The following GTPBP3 variants were observed in gnomAD, a reference collection of about 807,000 sequenced individuals.
The protein encoded by GTPBP3 is 5-taurinomethyluridine-[tRNA] synthase subunit GTPB3, mitochondrial.
Under a neutral mutation model 42.0 loss-of-function variants are expected in GTPBP3, and 35 were observed. The ratio of observed to expected loss-of-function variants is 0.83; its 90% CI spans 0.64 to 1.10. The LOEUF (loss-of-function observed/expected upper bound fraction) is 1.10, where lower values mean the gene tolerates loss of function less well. Ranked by LOEUF, GTPBP3 falls within the 50% of genes least tolerant of loss-of-function variation. The probability of loss-of-function intolerance (pLI) is 0.00; values close to 1 mark genes in which losing one functional copy is unlikely to be tolerated. For missense variants in GTPBP3, 691 were observed against 685.2 expected (o/e 1.01, Z -0.09); for synonymous variants, 332 against 314.9 (o/e 1.05, Z -0.58).
intron 1 of GTPBP3, 75 bp downstream of exon 1, chr19:17,337,739 G>T (rs2074380384): frequency 1.4e-6 from 2 of 1,391,608 alleles, no homozygotes; most frequent in Non-Finnish European, 1.9e-6. Context: ...GGGTTTTAGG[G>T]GCCCAATTCC....
chr19:17,341,024 A>G lies in GTPBP3; in HGVS notation c.975-20A>G. 6.2e-7 allele frequency: 1 copy of G among 1,606,756 alleles called. No homozygotes were observed. The highest frequency in any genetic ancestry group is 2.2e-5 in the East Asian group (1 of 44,754). On this transcript the variant is annotated intron_variant, in intron 7 of 8. Transcript: ENST00000324894. ...ATTGCTCAACCTGGGATCCCCGCTC[A>G]GTTGACCTTGCTCCCGCAGGCTAGA...
rs759990229 is a variant in GTPBP3, at chr19:17,339,243, A to G, written c.785A>G (p.Lys262Arg). The G allele has an allele frequency of 4.4e-6, 7 of 1,609,140 alleles. No homozygotes were observed. The highest frequency in any genetic ancestry group is 1.3e-5 in the African/African-American group (1 of 75,002). The change falls in exon 6 of 9, where the codon AAG (lysine) becomes AGG (arginine). Residue 262 changes from lysine to arginine, a missense_variant. Lys to Arg is a conservative substitution (Grantham distance 26). Coordinates refer to ENST00000324894, the MANE Select transcript of GTPBP3 (RefSeq NM_032620.4). The part of the protein sequence containing the change: ...VVVTGPPNAG[K>R]SSLVNLLSRK... ...GTCACTGGACCCCCCAATGCGGGCA[A>G]GAGCAGCCTAGTGAACCTGCTCAGT...
rs1384060550 is a variant in GTPBP3 at position 17,338,240 on chromosome 19, G to C, written c.286G>C (p.Val96Leu). Residue 96 changes from valine (V) to leucine (L), a missense_variant, in exon 2 of 9, where the codon GTG (valine) becomes CTG (leucine). Physicochemically the swap from Val to Leu is conservative, Grantham distance 32 (BLOSUM62 1). Coordinates refer to ENST00000324894, the MANE Select transcript of GTPBP3 (RefSeq NM_032620.4). ...RSGEPLDRAL[V>L]LWFPGPQSFT... is the part of the protein sequence containing the mutation. ...CGGGGAGCCTCTGGACCGCGCACTG[G>C]TGCTCTGGTTCCCAGGTGAGGGTCC... 6.3e-7 allele frequency: 1 copy of C among 1,587,992 alleles called. No individual in the cohort carries two copies. The highest frequency in any genetic ancestry group is 8.5e-7 in the Non-Finnish European group (1 of 1,171,892).
intron 7 of GTPBP3, among the ~76,000 whole-genome samples, chr19:17,340,673 T>A: frequency 6.9e-6 from 1 of 144,686 alleles, no homozygotes. Flanking sequence ...GCTCTGCTCT[T>A]CCCCCTGCAC....
chr19:17,340,667 T>G (rs985704599), intron 7 of GTPBP3, among the ~76,000 whole-genome samples: 2 of 150,552 alleles, frequency 1.3e-5, no homozygotes, highest in Non-Finnish European at 3.0e-5. Flanking sequence ...CCTCTTGCTC[T>G]GCTCTTCCCC....
rs2074390206 is a variant in GTPBP3 at position 17,338,427 on chromosome 19, G to A, written c.364G>A (p.Val122Met). ...CCACGTGCATGGAGGCCCGGCAGTGGTGAGCGGCGTCCTGCAGGCCTTGGG... is the reference window on the plus strand; with the variant it reads ...CCACGTGCATGGAGGCCCGGCAGTGATGAGCGGCGTCCTGCAGGCCTTGGG... ...EFHVHGGPAVVSGVLQALGSV... is the reference protein window; with the variant it reads ...EFHVHGGPAVMSGVLQALGSV... The change falls in exon 3 of 9, where the codon GTG becomes ATG. Residue 122 changes from valine to methionine, a missense_variant. Physicochemically the swap from Val to Met is conservative, Grantham distance 21. Coordinates refer to ENST00000324894, the MANE Select transcript of GTPBP3 (RefSeq NM_032620.4). 1 of 1,614,148 alleles carries A rather than the reference G, an allele frequency of 6.2e-7. No individual in the cohort carries two copies.
rs1306268728 is a variant in GTPBP3 at position 17,338,619 on chromosome 19, G to A, written c.469G>A (p.Glu157Lys). 1.2e-6 allele frequency: 2 copies of A among 1,613,964 alleles called. No homozygotes were observed. Among genetic ancestry groups the A allele is most frequent in the Non-Finnish European group, 8.5e-7 (1 of 1,179,974 alleles). The change falls in exon 4 of 9, where the codon GAA (glutamate) becomes AAA (lysine). Residue 157 changes from glutamate (E) to lysine (K), a missense_variant. Physicochemically the swap from Glu to Lys is moderately conservative, Grantham distance 56 (BLOSUM62 1). Transcript: ENST00000324894. ...CGCCAATGGGAAGCTGAACCTGACC[G>A]AAGTGGAGGGGCTGGCGGACCTTAT... Reference protein sequence around the residue: ...AFANGKLNLTEVEGLADLIHA... With the variant: ...AFANGKLNLTKVEGLADLIHA...
At chr19:17,339,707 C>A in intron 7 of GTPBP3, 108 bp downstream of exon 7, 1 of 1,128,180 alleles carries the variant, frequency 8.9e-7, no homozygotes, top group Non-Finnish European at 1.2e-6. Context: ...CCTGCTAAGC[C>A]CTATCAAGCA....
At position 17,339,572 on chromosome 19, in the gene GTPBP3, A is replaced by G. The variant is rs145021032; in HGVS notation, c.947A>G (p.Gln316Arg). The change falls in exon 7 of 9, where the codon CAG becomes CGG. Residue 316 changes from glutamine (Q) to arginine (R), a missense_variant. By Grantham distance (43) the Gln-to-Arg change is conservative (BLOSUM62 1). Coordinates refer to ENST00000324894, the MANE Select transcript of GTPBP3 (RefSeq NM_032620.4). ...CGGGAGGGCGTGGGGCCCGTGGAGCAGGAGGGCGTGCGGCGCGCCCGGGAG... is the reference window on the plus strand; with the variant it reads ...CGGGAGGGCGTGGGGCCCGTGGAGCGGGAGGGCGTGCGGCGCGCCCGGGAG... ...GLREGVGPVEQEGVRRARERL... is the reference protein window; with the variant it reads ...GLREGVGPVEREGVRRARERL... 6.6e-4 allele frequency: 1,063 copies of G among 1,611,172 alleles called. 11 individuals are homozygous for G. In the African/African-American group the frequency reaches 0.013, roughly 19 times the overall value.
In GTPBP3 at chr19:17,339,661, G is replaced by T. The variant is rs1345731842; in HGVS notation, c.974+62G>T. On this transcript the variant is annotated intron_variant, in intron 7 of 8. Transcript: ENST00000324894. ...GGCCCTTTCTCTGCCTTTTCTCCCTGTTGCGTTTATTTTTCATTCTTCCTG... is the reference window on the plus strand; with the variant it reads ...GGCCCTTTCTCTGCCTTTTCTCCCTTTTGCGTTTATTTTTCATTCTTCCTG... The T allele has an allele frequency of 4.1e-6, 6 of 1,471,858 alleles. No homozygotes were observed. The East Asian group carries it at 1.5e-4, about 37-fold the overall frequency. 91.2% of individuals were successfully genotyped at this position (1,471,858 alleles called of 1,614,324 possible). A position where few individuals can be genotyped will look rare whatever the true frequency, so the allele number is the denominator to read the frequency against.
chr19:17,339,074 C>A, intron 5 of GTPBP3, 48 bp downstream of exon 5: 2 of 1,614,174 alleles, frequency 1.2e-6, no homozygotes. Context: ...TATCAGCCCT[C>A]AAAGGCTCCC....
At position 17,338,734 on chromosome 19, in the gene GTPBP3, T is replaced by C; in HGVS notation, c.584T>C (p.Leu195Pro). The change falls in exon 4 of 9, where the codon CTC (leucine) becomes CCC (proline). Residue 195 changes from leucine (L) to proline (P), a missense_variant. By Grantham distance (98) the Leu-to-Pro change is moderately conservative. Transcript: ENST00000324894. ...GHLCRGWAET[L>P]TKALAHVEAY... ...CTCTGCCGTGGCTGGGCCGAGACCC[T>C]CACCAAAGCAAGTCCCCCATTTGTC... 6.2e-7 allele frequency: 1 copy of C among 1,606,396 alleles called. No individual in the cohort carries two copies. Among genetic ancestry groups the C allele is most frequent in the Non-Finnish European group, 8.5e-7 (1 of 1,174,950 alleles).
chr19:17,335,749 C>A (rs559776119), upstream of GTPBP3, among the ~76,000 whole-genome samples: 7 of 151,982 alleles, frequency 4.6e-5, no homozygotes, highest in Non-Finnish European at 7.4e-5. Flanking sequence ...GAAAGCCCAG[C>A]GAGGGTAGGA....
upstream of GTPBP3, among the ~76,000 whole-genome samples, chr19:17,335,555 T>C (rs2074359552): frequency 6.6e-6 from 1 of 152,160 alleles, no homozygotes; most frequent in Admixed American, 6.5e-5. Flanking sequence ...AACGAGACCC[T>C]GTCTCAAATA....
In GTPBP3 at chr19:17,341,771, T is replaced by G; in HGVS notation, c.*68T>G. On this transcript the variant is annotated 3_prime_UTR_variant, in exon 9 of 9. Coordinates refer to ENST00000324894, the MANE Select transcript of GTPBP3 (RefSeq NM_032620.4). ...GAGCCTCGGGGGATCTGGAAACAGT[T>G]TAGGCCAATTGGGATTCTCATTCGC... 2 of 1,339,988 alleles carry G rather than the reference T, an allele frequency of 1.5e-6. No homozygotes were observed. The highest frequency in any genetic ancestry group is 2.0e-6 in the Non-Finnish European group (2 of 976,488). The allele number at this position is 1,339,988 out of a possible 1,614,324, so 83.0% of individuals were successfully genotyped here.
rs145335436 is a variant in GTPBP3, at chr19:17,341,951, T to A, written c.*248T>A. The A allele has an allele frequency of 6.8e-4, 283 of 414,008 alleles. No individual in the cohort carries two copies. Among genetic ancestry groups the A allele is most frequent in the African/African-American group, 5.5e-3 (272 of 49,040 alleles). 25.6% of individuals were successfully genotyped at this position (414,008 alleles called of 1,614,324 possible). A position where few individuals can be genotyped will look rare whatever the true frequency, so the allele number is the denominator to read the frequency against. The stretch of plus-strand genomic sequence containing the variant: ...TGGGGCATCCGGGTTGGGATGGAGA[T>A]AGGAGGATCTCAGTATATTTGTTTC... On this transcript the variant is annotated 3_prime_UTR_variant, in exon 9 of 9. Coordinates refer to ENST00000324894, the MANE Select transcript of GTPBP3 (RefSeq NM_032620.4).
At chr19:17,337,773 T>C in intron 1 of GTPBP3, 109 bp downstream of exon 1, 1 of 1,326,766 alleles carries the variant, frequency 7.5e-7, no homozygotes, top group Non-Finnish European at 1.0e-6. Flanking sequence ...ATCATTCGCG[T>C]TCTTCCGTGC....
chr19:17,339,629 A>G (rs1268152053), intron 7 of GTPBP3, 30 bp downstream of exon 7: 2 of 1,560,890 alleles, frequency 1.3e-6, no homozygotes, highest in Non-Finnish European at 1.7e-6. Flanking sequence ...ATGGGAGGGG[A>G]ACGCGGGGCC....
chr19:17,341,077 G>A lies in GTPBP3; in HGVS notation c.1008G>A (p.Leu336=), dbSNP rs760604467. The A allele has an allele frequency of 6.2e-7, 1 of 1,613,716 alleles. No individual in the cohort carries two copies. Among genetic ancestry groups the A allele is most frequent in the Non-Finnish European group, 8.5e-7 (1 of 1,180,016 alleles). Residue 336 remains leucine (L), a synonymous_variant, in exon 8 of 9, where the codon CTG becomes CTA. Coordinates refer to ENST00000324894, the MANE Select transcript of GTPBP3 (RefSeq NM_032620.4). The part of the protein sequence containing the change: ...LEQADLILAM[L]DASDLASPSS... ...AGGCTGACCTCATTCTGGCCATGCT[G>A]GATGCTTCTGACCTGGCCTCTCCCT... is the stretch of plus-strand genomic sequence containing the variant.
Sources: allele counts gnomAD v4.1 joint callset (sites outside exome capture counted in the v4.1 genomes callset), GRCh38; gene constraint gnomAD v4.1.1; transcripts MANE v1.5; gene names NCBI Gene and HGNC (gene_info 2026-07-23, HGNC 2026-07-21).